ANKS1B: variants seen among roughly 807,000 people sequenced by gnomAD.
ANKS1B encodes ankyrin repeat and sterile alpha motif domain containing 1B.
ANKS1B carries 36 observed loss-of-function variants against 148.3 expected under a neutral mutation model. The ratio of observed to expected loss-of-function variants is 0.24; its 90% CI spans 0.19 to 0.32. The LOEUF (loss-of-function observed/expected upper bound fraction) is 0.32. ANKS1B is among the 10% of genes least tolerant of loss of function. The pLI, the probability that ANKS1B is intolerant of heterozygous loss-of-function variation, is 1.00. For synonymous variants in ANKS1B, 542 were observed against 560.8 expected, an observed-to-expected ratio of 0.97 and a Z score of 0.47; for missense variants, 1,157 against 1,542.6, an observed-to-expected ratio of 0.75 and a Z score of 4.19.
chr12:99,541,312 C>T (rs541037723), intron 9 of ANKS1B, among the ~76,000 whole-genome samples: 1 of 152,156 alleles, frequency 6.6e-6, no homozygotes, highest in East Asian at 1.9e-4. Flanking sequence ...AATATCAAAA[C>T]CATATAAACA....
chr12:99,392,107 C>T (rs1315081582), intron 12 of ANKS1B, among the ~76,000 whole-genome samples: 2 of 152,164 alleles, frequency 1.3e-5, no homozygotes, highest in African/African-American at 2.4e-5. Flanking sequence ...TCAGCTTGCC[C>T]CGAATCTTAG....
At chr12:99,185,595 G>A (rs888246735) in intron 14 of ANKS1B, among the ~76,000 whole-genome samples, 1 of 152,180 alleles carries the variant, frequency 6.6e-6, no homozygotes, top group Non-Finnish European at 1.5e-5. Context: ...CATGGAGGGC[G>A]AGTAGAAGCA....
chr12:98,845,497 C>T (rs1315757536), intron 17 of ANKS1B, among the ~76,000 whole-genome samples: 1 of 152,156 alleles, frequency 6.6e-6, no homozygotes, highest in East Asian at 1.9e-4. Context: ...ACAACCAGTA[C>T]TTTATTATTA....
chr12:98,837,614 G>A (rs922004538), intron 17 of ANKS1B, among the ~76,000 whole-genome samples: 1 of 152,102 alleles, frequency 6.6e-6, no homozygotes, highest in African/African-American at 2.4e-5. Flanking sequence ...ATAATATCAC[G>A]TCACTGCTGT....
At chr12:99,722,882 G>A (rs2058230020) in intron 8 of ANKS1B, among the ~76,000 whole-genome samples, 1 of 152,214 alleles carries the variant, frequency 6.6e-6, no homozygotes, top group African/African-American at 2.4e-5. Context: ...AGAGAGAAAG[G>A]AAGCGCAGTG....
intron 17 of ANKS1B, among the ~76,000 whole-genome samples, chr12:98,925,747 T>TC: frequency 6.6e-6 from 1 of 152,138 alleles, no homozygotes; most frequent in South Asian, 2.1e-4. Flanking sequence ...GGTATGAAGC[T>TC]CCCCCAAAAT....
At chr12:99,854,977 C>T (rs139917655) in intron 1 of ANKS1B, among the ~76,000 whole-genome samples, 88 of 151,666 alleles carry the variant, frequency 5.8e-4, no homozygotes, top group African/African-American at 2.1e-3. Context: ...ACCTATAAAA[C>T]AATAATACAA....
chr12:98,959,421 T>C (rs555893723), intron 17 of ANKS1B, among the ~76,000 whole-genome samples: 2 of 152,250 alleles, frequency 1.3e-5, no homozygotes, highest in East Asian at 1.9e-4. Flanking sequence ...CTCTTCCTGC[T>C]AAGGCCCACA....
intron 12 of ANKS1B, among the ~76,000 whole-genome samples, chr12:99,378,929 T>C (rs985793036): frequency 1.4e-4 from 22 of 152,306 alleles, no homozygotes; most frequent in African/African-American, 5.3e-4. Context: ...AGAATTTCTA[T>C]TGGCCAGTGA....
chr12:99,033,883 C>G (rs779938566), intron 17 of ANKS1B, among the ~76,000 whole-genome samples: 6 of 152,168 alleles, frequency 3.9e-5, no homozygotes, highest in Non-Finnish European at 7.4e-5. Flanking sequence ...TAAAAACTCA[C>G]GACTGGTAGT....
At chr12:99,837,816 A>G (rs1002047279) in intron 1 of ANKS1B, among the ~76,000 whole-genome samples, 1 of 152,122 alleles carries the variant, frequency 6.6e-6, no homozygotes, top group African/African-American at 2.4e-5. Flanking sequence ...GTCCAAGTGC[A>G]GTTTTGTTAC....
intron 8 of ANKS1B, among the ~76,000 whole-genome samples, chr12:99,770,531 A>G (rs1006467168): frequency 6.6e-6 from 1 of 152,232 alleles, no homozygotes; most frequent in African/African-American, 2.4e-5. Flanking sequence ...AATGAATTCA[A>G]ATAAAACAGG....
At chr12:98,868,654 C>A (rs569021632) in intron 17 of ANKS1B, among the ~76,000 whole-genome samples, 1 of 152,156 alleles carries the variant, frequency 6.6e-6, no homozygotes, top group African/African-American at 2.4e-5. Context: ...AAATCTGGGT[C>A]GAGTTGAAAT....
intron 12 of ANKS1B, among the ~76,000 whole-genome samples, chr12:99,283,441 T>C (rs1047718649): frequency 1.1e-4 from 17 of 152,210 alleles, no homozygotes; most frequent in Admixed American, 1.3e-4. Context: ...TCATCTTTAC[T>C]GTTTGTTCTC....
At chr12:99,789,178 G>C (rs1161349268) in intron 4 of ANKS1B, among the ~76,000 whole-genome samples, 1 of 152,134 alleles carries the variant, frequency 6.6e-6, no homozygotes, top group Admixed American at 6.5e-5. Flanking sequence ...GACAGACTCT[G>C]TTTCTTTGAG....
intron 1 of ANKS1B, among the ~76,000 whole-genome samples, chr12:99,954,318 G>T (rs980273089): frequency 6.6e-6 from 1 of 152,166 alleles, no homozygotes; most frequent in African/African-American, 2.4e-5. Flanking sequence ...TAATAAAAGC[G>T]TTAATTCCAG....
chr12:99,680,725 C>A (rs746309157), intron 8 of ANKS1B, among the ~76,000 whole-genome samples: 34 of 152,154 alleles, frequency 2.2e-4, no homozygotes, highest in Non-Finnish European at 4.3e-4. Flanking sequence ...TTTCTCAGCT[C>A]TTAGTGGGTA....
At chr12:99,646,628 G>A (rs186788749) in intron 9 of ANKS1B, among the ~76,000 whole-genome samples, 9 of 137,842 alleles carry the variant, frequency 6.5e-5, no homozygotes, top group East Asian at 6.0e-4. Context: ...ATTCCAGCCC[G>A]GGTGACAGAG....
At chr12:98,984,711 T>A (rs2099922244) in intron 17 of ANKS1B, among the ~76,000 whole-genome samples, 2 of 152,206 alleles carry the variant, frequency 1.3e-5, no homozygotes, top group South Asian at 4.1e-4. Flanking sequence ...TATTTCCTTA[T>A]ATTTTAATGG....
Sources: gnomAD v4.1 joint callset for allele counts (sites outside exome capture counted in the v4.1 genomes callset) on GRCh38, gnomAD v4.1.1 for gene constraint, MANE v1.5 for transcripts, NCBI Gene and HGNC (gene_info 2026-07-23, HGNC 2026-07-21) for gene names.